TRIB2: variants seen among roughly 807,000 people sequenced by gnomAD.
TRIB2 encodes tribbles pseudokinase 2.
A neutral mutation model predicts 26.8 loss-of-function variants in TRIB2; 2 were observed. That is an observed-to-expected ratio of 0.07 (90% CI 0.03 to 0.24). The LOEUF (loss-of-function observed/expected upper bound fraction) is 0.24, where lower values mean the gene tolerates loss of function less well. Among genes scored for constraint, TRIB2 ranks in the 10% least tolerant of loss-of-function variants. TRIB2 has a pLI of 1.00. For synonymous variants in TRIB2, 189 were observed against 187.3 expected (o/e 1.01, Z -0.08); for missense variants, 306 against 449.0 (o/e 0.68, Z 2.88).
intron 2 of TRIB2, among the ~76,000 whole-genome samples, chr2:12,736,762 G>A (rs753106780): frequency 4.2e-4 from 64 of 152,196 alleles, no homozygotes; most frequent in Non-Finnish European, 7.1e-4. Context: ...CATGCCCATG[G>A]GCTCTTGGAG....
intron 2 of TRIB2, chr2:12,724,704 C>A: frequency 3.7e-6 from 6 of 1,612,864 alleles, no homozygotes; most frequent in Non-Finnish European, 5.1e-6. Context: ...TGGATTGGTC[C>A]TTCGTCTGTT....
chr2:12,731,265 A>C (rs1661452238), intron 2 of TRIB2, among the ~76,000 whole-genome samples: 1 of 152,146 alleles, frequency 6.6e-6, no homozygotes, highest in Admixed American at 6.5e-5. Flanking sequence ...GTCAAGCCAG[A>C]GGCACAAAGA....
Position 12,717,253 on chromosome 2 carries a change from A to T in TRIB2, c.-1055A>T, listed in dbSNP as rs1666611309. On this transcript the variant is annotated 5_prime_UTR_variant, in exon 1 of 3. Coordinates refer to ENST00000155926, the MANE Select transcript of TRIB2 (RefSeq NM_021643.4). This position sits in a 1 kb window ranked among gnomAD's most constrained non-coding sequence, Gnocchi z 4.8. ...CGGGGTGATTGCAAATTATTCCAGG[A>T]CGAGATCCAGTTCTCCAGCGGGAAA... 2.5e-6 allele frequency: 1 copy of T among 397,598 alleles called. No individual in the cohort carries two copies. Among genetic ancestry groups the T allele is most frequent in the South Asian group, 1.3e-4 (1 of 7,466 alleles). 24.6% of individuals were successfully genotyped at this position (397,598 alleles called of 1,614,324 possible).
In TRIB2 at chr2:12,725,156, G is replaced by T. The variant is rs1204496605; in HGVS notation, c.563+1604G>T. 6.6e-5 allele frequency among the ~76,000 whole-genome samples: 10 copies of T among 152,344 alleles called. No homozygotes were observed. The East Asian group carries it at 1.5e-3, about 24-fold the overall frequency. The stretch of plus-strand genomic sequence containing the variant: ...TCATTTGTCTGCCAGAGGGCATGGG[G>T]ACAGCAAATGCCCTCTCTCGCAGGG... On this transcript the variant is annotated intron_variant, in intron 2 of 2. Coordinates refer to ENST00000155926, the MANE Select transcript of TRIB2 (RefSeq NM_021643.4).
chr2:12,735,071 C>T (rs1661539582), intron 2 of TRIB2, among the ~76,000 whole-genome samples: 1 of 152,184 alleles, frequency 6.6e-6, no homozygotes, highest in South Asian at 2.1e-4. Context: ...CCAGAGCTGA[C>T]ACTCACCCCC....
Position 12,717,806 on chromosome 2 carries a change from T to C in TRIB2, c.-502T>C, listed in dbSNP as rs1666628834. 1 of 285,002 alleles carries C rather than the reference T, an allele frequency of 3.5e-6. No individual in the cohort carries two copies. The highest frequency in any genetic ancestry group is 1.7e-4 in the South Asian group (1 of 6,000). The allele number at this position is 285,002 out of a possible 1,614,324, so 17.7% of individuals were successfully genotyped here. The stretch of plus-strand genomic sequence containing the variant: ...TCGCCAGCCGGTAGACCCGTGCTTG[T>C]TTCCTTTCTCTTTTTGTTTGGCTTC... On this transcript the variant is annotated 5_prime_UTR_variant, in exon 1 of 3. Coordinates refer to ENST00000155926, the MANE Select transcript of TRIB2 (RefSeq NM_021643.4). The surrounding 1 kb of genome is among the most constrained non-coding windows in gnomAD (Gnocchi z 4.8).
At chr2:12,728,977 C>A (rs1174312369) in intron 2 of TRIB2, among the ~76,000 whole-genome samples, 1 of 152,202 alleles carries the variant, frequency 6.6e-6, no homozygotes, top group African/African-American at 2.4e-5. Context: ...GCTTTTCTTT[C>A]ATTAAAAGCT....
At chr2:12,720,619 TTAGAA>T (rs1661190704) in intron 1 of TRIB2, among the ~76,000 whole-genome samples, 1 of 152,218 alleles carries the variant, frequency 6.6e-6, no homozygotes, top group African/African-American at 2.4e-5. Context: ...TTTTGATGTC[TTAGAA>T]TAGAAGGCTC....
chr2:12,721,176 C>T (rs1201610147), intron 1 of TRIB2, among the ~76,000 whole-genome samples: 1 of 152,202 alleles, frequency 6.6e-6, no homozygotes, highest in African/African-American at 2.4e-5. Context: ...TTTTCATACT[C>T]TGTCCACCAT....
chr2:12,718,724 C>T lies in TRIB2; in HGVS notation c.270+147C>T, dbSNP rs1160685735. On this transcript the variant is annotated intron_variant, in intron 1 of 2. Transcript: ENST00000155926. This position sits in a 1 kb window ranked among gnomAD's most constrained non-coding sequence, Gnocchi z 4.0. ...GTTTATTTATTTATTTGCTCAGGTTCGGTAAGTTGCGAAGTTTTTAGACCG... is the reference window on the plus strand; with the variant it reads ...GTTTATTTATTTATTTGCTCAGGTTTGGTAAGTTGCGAAGTTTTTAGACCG... 6 of 1,206,668 alleles carry T rather than the reference C, an allele frequency of 5.0e-6. No homozygotes were observed. In the East Asian group the frequency reaches 1.5e-4, roughly 31 times the overall value. The allele number at this position is 1,206,668 out of a possible 1,614,324, so 74.7% of individuals were successfully genotyped here.
intron 2 of TRIB2, among the ~76,000 whole-genome samples, chr2:12,726,757 C>A (rs565432195): frequency 6.6e-6 from 1 of 152,242 alleles, no homozygotes; most frequent in Admixed American, 6.5e-5. Context: ...CATCAGTCTT[C>A]TTCTCAGTGA....
chr2:12,725,904 C>A (rs566766330), intron 2 of TRIB2, among the ~76,000 whole-genome samples: 1 of 152,178 alleles, frequency 6.6e-6, no homozygotes, highest in Non-Finnish European at 1.5e-5. Flanking sequence ...AGGCTGATGC[C>A]CTGTAGGACC....
intron 2 of TRIB2, among the ~76,000 whole-genome samples, chr2:12,738,964 T>C (rs1450437422): frequency 6.6e-6 from 1 of 152,212 alleles, no homozygotes; most frequent in Non-Finnish European, 1.5e-5. Context: ...TCTTACCTCT[T>C]TTCTTGAGCA....
intron 2 of TRIB2, among the ~76,000 whole-genome samples, chr2:12,739,967 AT>A (rs1348321461): frequency 6.6e-6 from 1 of 152,186 alleles, no homozygotes; most frequent in Non-Finnish European, 1.5e-5. Flanking sequence ...GTGCCCTATC[AT>A]TATGCAAATG....
At position 12,718,205 on chromosome 2, in the gene TRIB2, C is replaced by G; in HGVS notation, c.-103C>G. On this transcript the variant is annotated 5_prime_UTR_variant, in exon 1 of 3. Coordinates refer to ENST00000155926, the MANE Select transcript of TRIB2 (RefSeq NM_021643.4). The surrounding 1 kb of genome is among the most constrained non-coding windows in gnomAD (Gnocchi z 4.0). ...CTCTTCTGTCCCCTCCCCTCTCGCT[C>G]CCTTTTAAAATCAGTGGCACCGAGG... The G allele has an allele frequency of 6.9e-7, 1 of 1,449,646 alleles. No individual in the cohort carries two copies. Among genetic ancestry groups the G allele is most frequent in the East Asian group, 2.3e-5 (1 of 42,844 alleles). 89.8% of individuals were successfully genotyped at this position (1,449,646 alleles called of 1,614,324 possible). A position where few individuals can be genotyped will look rare whatever the true frequency, so the allele number is the denominator to read the frequency against.
At chr2:12,735,861 G>A (rs763080306) in intron 2 of TRIB2, among the ~76,000 whole-genome samples, 5 of 152,112 alleles carry the variant, frequency 3.3e-5, no homozygotes, top group Non-Finnish European at 5.9e-5. Context: ...AAAGGAGCAC[G>A]TAGTGTTGGA....
chr2:12,736,336 A>G (rs1661566479), intron 2 of TRIB2, among the ~76,000 whole-genome samples: 1 of 151,832 alleles, frequency 6.6e-6, no homozygotes, highest in Admixed American at 6.6e-5. Flanking sequence ...GGAGAGGGAG[A>G]TGGTCGAGAG....
intron 2 of TRIB2, among the ~76,000 whole-genome samples, chr2:12,726,029 A>T (rs1406867783): frequency 6.6e-6 from 1 of 152,188 alleles, no homozygotes; most frequent in Non-Finnish European, 1.5e-5. Context: ...CAGCCTGGAA[A>T]TCCTGTCATT....
In TRIB2 at chr2:12,740,017, C is replaced by T. The variant is rs945373812; in HGVS notation, c.564-309C>T. ...GCTAGTTAATCTCTTGTTCCCTCAT[C>T]GCAGGGGTGATGATGATGTGATTCA... On this transcript the variant is annotated intron_variant, in intron 2 of 2. Transcript: ENST00000155926. The surrounding 1 kb of genome is among the most constrained non-coding windows in gnomAD (Gnocchi z 5.8). Among the ~76,000 whole-genome samples, 4 of 152,156 alleles carry T rather than the reference C, an allele frequency of 2.6e-5. No homozygotes were observed. The highest frequency in any genetic ancestry group is 2.1e-4 in the South Asian group (1 of 4,828).
Sources: allele counts gnomAD v4.1 joint callset (sites outside exome capture counted in the v4.1 genomes callset), GRCh38; gene constraint gnomAD v4.1.1; non-coding constraint Gnocchi (gnomAD v3.1); transcripts MANE v1.5; gene names NCBI Gene and HGNC (gene_info 2026-07-23, HGNC 2026-07-21).